Variants in TMTC2 observed in about 807,000 individuals in gnomAD.
TMTC2 encodes the protein protein O-mannosyl-transferase TMTC2.
In TMTC2, 43 loss-of-function variants were observed where a neutral mutation model predicts 82.4. The observed-to-expected ratio is 0.52, with a 90% CI of 0.41 to 0.67. The LOEUF (loss-of-function observed/expected upper bound fraction) is 0.67, where lower values mean the gene tolerates loss of function less well. Ranked by LOEUF, TMTC2 falls within the 30% of genes least tolerant of loss-of-function variation. The pLI, the probability that TMTC2 is intolerant of heterozygous loss-of-function variation, is 0.00. For synonymous variants in TMTC2, 408 were observed against 381.9 expected (o/e 1.07, Z -0.80); for missense variants, 919 against 1,012.4 (o/e 0.91, Z 1.25).
At chr12:82,795,138 C>T (rs1302388700) in intron 1 of TMTC2, among the ~76,000 whole-genome samples, 1 of 151,684 alleles carries the variant, frequency 6.6e-6, no homozygotes, top group East Asian at 1.9e-4. Context: ...AACCCCATAT[C>T]TACTAAAAAT....
chr12:82,986,074 A>G (rs1879143150), intron 8 of TMTC2, 28 bp downstream of exon 8: 1 of 1,613,644 alleles, frequency 6.2e-7, no homozygotes, highest in Non-Finnish European at 8.5e-7. Flanking sequence ...TTGGTCTTTA[A>G]AACTTGGTTT....
chr12:82,728,971 C>T (rs1057348739), intron 1 of TMTC2, among the ~76,000 whole-genome samples: 4 of 152,230 alleles, frequency 2.6e-5, no homozygotes, highest in East Asian at 3.9e-4. Flanking sequence ...AGGCAGGGCT[C>T]GGGACCTGCA....
At chr12:83,032,536 A>C (rs1881482767) in intron 9 of TMTC2, among the ~76,000 whole-genome samples, 1 of 151,082 alleles carries the variant, frequency 6.6e-6, no homozygotes, top group Admixed American at 6.6e-5. Context: ...AAAGTTCTAC[A>C]AAAAAAATTT....
intron 2 of TMTC2, among the ~76,000 whole-genome samples, chr12:82,888,124 T>C (rs1873199386): frequency 6.6e-6 from 1 of 152,080 alleles, no homozygotes; most frequent in Admixed American, 6.6e-5. Flanking sequence ...AAAATTACAC[T>C]TTCATAAGGC....
At chr12:82,713,342 C>G (rs28530697) in intron 1 of TMTC2, among the ~76,000 whole-genome samples, 124 of 150,084 alleles carry the variant, frequency 8.3e-4, no homozygotes, top group Non-Finnish European at 1.3e-3. Flanking sequence ...CAAAAAAAAA[C>G]AAAAACAAAA....
At chr12:82,780,035 C>G (rs1877819864) in intron 1 of TMTC2, among the ~76,000 whole-genome samples, 1 of 150,722 alleles carries the variant, frequency 6.6e-6, no homozygotes, top group Non-Finnish European at 1.5e-5. Context: ...ATTTTTTGTA[C>G]CATTTACTTG....
intron 7 of TMTC2, among the ~76,000 whole-genome samples, chr12:82,967,653 A>G (rs1482724037): frequency 1.3e-5 from 2 of 152,106 alleles, no homozygotes; most frequent in African/African-American, 4.8e-5. Context: ...TGCAAACCAC[A>G]TATTCAGCAT....
chr12:83,115,677 G>A (rs1884731743), intron 11 of TMTC2, among the ~76,000 whole-genome samples: 1 of 151,790 alleles, frequency 6.6e-6, no homozygotes, highest in South Asian at 2.1e-4. Context: ...AGGTTATTGG[G>A]GAACGGGTGG....
intron 2 of TMTC2, among the ~76,000 whole-genome samples, chr12:82,893,238 G>A (rs1873484889): frequency 6.6e-6 from 1 of 151,902 alleles, no homozygotes; most frequent in African/African-American, 2.4e-5. Flanking sequence ...GGGCATGGTG[G>A]CACGTGCCTG....
intron 4 of TMTC2, among the ~76,000 whole-genome samples, chr12:82,931,065 T>G (rs1214830847): frequency 6.6e-6 from 1 of 152,148 alleles, no homozygotes; most frequent in Non-Finnish European, 1.5e-5. Flanking sequence ...CCTGTCACCA[T>G]GCCTGGCTAA....
intron 3 of TMTC2, among the ~76,000 whole-genome samples, chr12:82,913,602 T>A (rs2137214101): frequency 6.6e-6 from 1 of 152,346 alleles, no homozygotes; most frequent in South Asian, 2.1e-4. Flanking sequence ...ATTGGTAATA[T>A]TCATTAATCA....
intron 2 of TMTC2, among the ~76,000 whole-genome samples, chr12:82,868,174 T>C (rs1202909419): frequency 6.6e-6 from 1 of 152,214 alleles, no homozygotes; most frequent in African/African-American, 2.4e-5. Flanking sequence ...CAGCATTCTA[T>C]GGCATTTTTG....
rs899244619 is a variant in TMTC2 at position 83,133,344 on chromosome 12, A to T, written c.*955A>T. 6.6e-6 allele frequency: 1 copy of T among 152,214 alleles called. No individual in the cohort carries two copies. Among genetic ancestry groups the T allele is most frequent in the African/African-American group, 2.4e-5 (1 of 41,444 alleles). The allele number at this position is 152,214 out of a possible 1,614,324, so 9.4% of individuals were successfully genotyped here. A position where few individuals can be genotyped will look rare whatever the true frequency, so the allele number is the denominator to read the frequency against. On this transcript the variant is annotated 3_prime_UTR_variant, in exon 12 of 12. Coordinates refer to ENST00000321196, the MANE Select transcript of TMTC2 (RefSeq NM_152588.3). Reference sequence around the variant, plus strand: ...AGGGAAGGTGTTTTGTGCTTCTCAGATGTTGCTGGTTTAGGAGTGTGTGAT... The same window carrying T: ...AGGGAAGGTGTTTTGTGCTTCTCAGTTGTTGCTGGTTTAGGAGTGTGTGAT...
chr12:83,015,754 G>T (rs114073286), intron 8 of TMTC2, among the ~76,000 whole-genome samples: 1,763 of 152,240 alleles, frequency 0.012, 37 homozygotes, highest in African/African-American at 0.041. Flanking sequence ...TTGTAATAAT[G>T]CCAAAACACA....
chr12:83,104,710 T>C (rs1245641739), intron 11 of TMTC2, among the ~76,000 whole-genome samples: 2 of 152,204 alleles, frequency 1.3e-5, no homozygotes, highest in African/African-American at 4.8e-5. Flanking sequence ...TGAAGGTCTC[T>C]TTTCCCCATT....
At chr12:83,113,764 A>G (rs138617261) in intron 11 of TMTC2, among the ~76,000 whole-genome samples, 2 of 152,330 alleles carry the variant, frequency 1.3e-5, no homozygotes, top group Non-Finnish European at 2.9e-5. Flanking sequence ...TGCAAATAGA[A>G]TGCGATGCAT....
intron 2 of TMTC2, 137 bp downstream of exon 2, chr12:82,857,717 G>A (rs894866627): frequency 5.3e-6 from 4 of 758,366 alleles, no homozygotes; most frequent in South Asian, 3.9e-5. Context: ...TCAGTAAGTG[G>A]AAGTGTCCTT....
chr12:82,742,971 C>G (rs1246607830), intron 1 of TMTC2, among the ~76,000 whole-genome samples: 1 of 152,124 alleles, frequency 6.6e-6, no homozygotes, highest in East Asian at 1.9e-4. Context: ...AGTTGCCTTT[C>G]TGTGACAGTT....
At chr12:82,937,793 TATACAC>T (rs1215367204) in intron 4 of TMTC2, among the ~76,000 whole-genome samples, 98 of 23,216 alleles carry the variant, frequency 4.2e-3, no homozygotes, top group African/African-American at 0.011. Flanking sequence ...TATATATATA[TATACAC>T]ACATATATAT....
Sources: gnomAD v4.1 joint callset for allele counts (sites outside exome capture counted in the v4.1 genomes callset) on GRCh38, gnomAD v4.1.1 for gene constraint, MANE v1.5 for transcripts, NCBI Gene and HGNC (gene_info 2026-07-23, HGNC 2026-07-21) for gene names.